SOX6: variants seen among roughly 807,000 people sequenced by gnomAD.
The protein encoded by SOX6 is transcription factor SOX-6.
A neutral mutation model predicts 97.8 loss-of-function variants in SOX6; 11 were observed. That is an observed-to-expected ratio of 0.11 (90% CI 0.07 to 0.19). The LOEUF (loss-of-function observed/expected upper bound fraction) is 0.19, where lower values mean the gene tolerates loss of function less well. Among genes scored for constraint, SOX6 ranks in the 10% least tolerant of loss-of-function variants. SOX6 has a pLI of 1.00. For synonymous variants in SOX6, 360 were observed against 371.4 expected (o/e 0.97, Z 0.35); for missense variants, 810 against 1,039.5 (o/e 0.78, Z 3.04).
At chr11:16,450,519 A>C (rs1334010849) in intron 1 of SOX6, among the ~76,000 whole-genome samples, 1 of 152,236 alleles carries the variant, frequency 6.6e-6, no homozygotes, top group Non-Finnish European at 1.5e-5. Flanking sequence ...ACACAGATCA[A>C]ACTTTCTAAC....
chr11:16,217,469 G>A (rs1025490299), intron 4 of SOX6, among the ~76,000 whole-genome samples: 3 of 152,074 alleles, frequency 2.0e-5, no homozygotes, highest in Admixed American at 6.6e-5. Context: ...ATATCTCAAT[G>A]TACTTCTAAA....
chr11:16,225,665 AC>A (rs1432866064), intron 4 of SOX6, among the ~76,000 whole-genome samples: 1 of 152,128 alleles, frequency 6.6e-6, no homozygotes, highest in African/African-American at 2.4e-5. Context: ...ATCCATCCTG[AC>A]CCTTTGGTGA....
intron 4 of SOX6, among the ~76,000 whole-genome samples, chr11:16,556,344 G>A (rs965092474): frequency 4.0e-5 from 6 of 151,634 alleles, no homozygotes; most frequent in African/African-American, 1.4e-4. Flanking sequence ...ATTATTATAT[G>A]TTCATAAAAC....
At chr11:16,528,400 A>C (rs1456925109) in intron 4 of SOX6, among the ~76,000 whole-genome samples, 2 of 152,090 alleles carry the variant, frequency 1.3e-5, no homozygotes, top group Admixed American at 6.6e-5. Context: ...GAAGTAATCT[A>C]ACTTGTCCAA....
chr11:16,015,908 T>C (rs1158777119), intron 12 of SOX6, among the ~76,000 whole-genome samples: 1 of 152,084 alleles, frequency 6.6e-6, no homozygotes, highest in African/African-American at 2.4e-5. Flanking sequence ...TTGTTGTTCA[T>C]TACTATGAAA....
intron 9 of SOX6, among the ~76,000 whole-genome samples, chr11:16,072,641 A>C (rs1296886120): frequency 6.6e-6 from 1 of 152,200 alleles, no homozygotes; most frequent in Non-Finnish European, 1.5e-5. Flanking sequence ...TAAGACATAC[A>C]GTCATCAGAT....
chr11:16,394,875 C>A (rs958183119), intron 1 of SOX6, among the ~76,000 whole-genome samples: 1 of 151,674 alleles, frequency 6.6e-6, no homozygotes, highest in Non-Finnish European at 1.5e-5. Context: ...AATACAGATT[C>A]CCCAAAGCGA....
chr11:16,354,109 C>A (rs997732081), intron 1 of SOX6, among the ~76,000 whole-genome samples: 2 of 151,936 alleles, frequency 1.3e-5, no homozygotes, highest in Non-Finnish European at 2.9e-5. Flanking sequence ...ACTTAAATCT[C>A]ATTTACTATG....
At chr11:16,494,641 A>C (rs1195799444) in intron 4 of SOX6, among the ~76,000 whole-genome samples, 3 of 152,186 alleles carry the variant, frequency 2.0e-5, no homozygotes, top group Admixed American at 2.0e-4. Context: ...TTAAGAGAGA[A>C]CACTGAAATT....
chr11:16,157,829 C>T (rs1001212556), intron 6 of SOX6, among the ~76,000 whole-genome samples: 2 of 151,944 alleles, frequency 1.3e-5, no homozygotes, highest in African/African-American at 4.8e-5. Context: ...CTTCTCTCTG[C>T]CTGGACACCT....
chr11:15,976,391 T>A (rs1853487548), intron 15 of SOX6, among the ~76,000 whole-genome samples: 2 of 152,196 alleles, frequency 1.3e-5, no homozygotes, highest in Non-Finnish European at 2.9e-5. Context: ...CATTCACATT[T>A]GACAGGACTG....
At chr11:16,476,345 C>T (rs900902082) in exon 1 of SOX6, 1 of 152,338 alleles carries the variant, frequency 6.6e-6, no homozygotes, top group African/African-American at 2.4e-5. Context: ...AGCCCCAGCA[C>T]CCAGAAATCA....
rs201591368 is a variant in SOX6, at chr11:16,577,052, G to T, written n.609+35029C>A. On this transcript the variant is annotated intron_variant and non_coding_transcript_variant, in intron 4 of 5. Coordinates refer to the SOX6 transcript ENST00000524520. ...CGGTAAACCGGCCCAGGTTGGAAAT[G>T]GAGCAGGTCAGAACTCCCGTGCTGA... The T allele has an allele frequency of 4.6e-5, 7 of 152,240 alleles. No individual in the cohort carries two copies. The East Asian group carries it at 1.2e-3, about 25-fold the overall frequency. 9.4% of individuals were successfully genotyped at this position (152,240 alleles called of 1,614,324 possible).
chr11:16,554,807 G>A (rs1299969791), intron 4 of SOX6, among the ~76,000 whole-genome samples: 6 of 151,976 alleles, frequency 3.9e-5, no homozygotes, highest in Non-Finnish European at 1.5e-5. Context: ...ATGAAAACAG[G>A]AAAGGGGAAA....
chr11:16,445,670 T>C (rs1333358397), intron 1 of SOX6, among the ~76,000 whole-genome samples: 2 of 152,114 alleles, frequency 1.3e-5, no homozygotes, highest in Non-Finnish European at 2.9e-5. Context: ...GTGAGTACCC[T>C]TGAGGAGGCT....
intron 10 of SOX6, among the ~76,000 whole-genome samples, chr11:16,055,464 C>T (rs1476478269): frequency 6.6e-6 from 1 of 152,018 alleles, no homozygotes; most frequent in African/African-American, 2.4e-5. Context: ...AAAGTCATGG[C>T]AATTCATGCC....
chr11:16,047,759 A>T (rs1031351605), intron 11 of SOX6, among the ~76,000 whole-genome samples: 2 of 151,610 alleles, frequency 1.3e-5, no homozygotes, highest in African/African-American at 4.9e-5. Flanking sequence ...CACCTCACAT[A>T]GGCAGGACAG....
chr11:16,455,097 A>G (rs1859788376), intron 1 of SOX6, among the ~76,000 whole-genome samples: 1 of 152,058 alleles, frequency 6.6e-6, no homozygotes, highest in African/African-American at 2.4e-5. Context: ...TTGAAGATTT[A>G]TGTTAATAAA....
intron 3 of SOX6, among the ~76,000 whole-genome samples, chr11:16,643,642 A>G (rs1165899231): frequency 6.6e-6 from 1 of 152,134 alleles, no homozygotes; most frequent in African/African-American, 2.4e-5. Flanking sequence ...CCTCGCTGCC[A>G]CCTTGCAGTT....
Sources: gnomAD v4.1 joint callset for allele counts (sites outside exome capture counted in the v4.1 genomes callset) on GRCh38, gnomAD v4.1.1 for gene constraint, MANE v1.5 for transcripts, NCBI Gene and HGNC (gene_info 2026-07-23, HGNC 2026-07-21) for gene names.